ROBO1: variants seen among roughly 807,000 people sequenced by gnomAD.
ROBO1 encodes roundabout guidance receptor 1.
Under a neutral mutation model 195.9 loss-of-function variants are expected in ROBO1, and 149 were observed. That is an observed-to-expected ratio of 0.76 (90% confidence interval 0.67 to 0.87). The LOEUF is 0.87. Among genes scored for constraint, ROBO1 ranks in the 40% least tolerant of loss-of-function variants. The pLI is 0.00. For synonymous variants in ROBO1, 816 were observed against 733.2 expected, an observed-to-expected ratio of 1.11 and a Z score of -1.82; for missense variants, 1,933 against 2,068.3, an observed-to-expected ratio of 0.93 and a Z score of 1.27.
At chr3:78,904,830 A>C (rs1450546632) in intron 4 of ROBO1, among the ~76,000 whole-genome samples, 2 of 151,830 alleles carry the variant, frequency 1.3e-5, no homozygotes, top group Non-Finnish European at 2.9e-5. Context: ...AAACATAGAA[A>C]TTAAGAGAAG....
intron 2 of ROBO1, among the ~76,000 whole-genome samples, chr3:79,379,752 T>C (rs978249099): frequency 2.0e-5 from 3 of 152,208 alleles, no homozygotes; most frequent in Non-Finnish European, 2.9e-5. Flanking sequence ...CTGTATATTA[T>C]GCCAGTGGCT....
Position 78,968,427 on chromosome 3 carries a change from T to A in ROBO1, c.173-29500A>T, listed in dbSNP as rs2076694155. Among the ~76,000 whole-genome samples, 3 of 151,868 alleles carry A rather than the reference T, an allele frequency of 2.0e-5. No individual in the cohort carries two copies. In the South Asian group the frequency reaches 6.2e-4, roughly 32 times the overall value. ...TTATAGGTGTGCGCCACTCACATGG[T>A]GAAATTAGCAAGCCCAGCTACTTTC... On this transcript the variant is annotated intron_variant, in intron 3 of 30. Coordinates refer to ENST00000464233, the MANE Select transcript of ROBO1 (RefSeq NM_002941.4).
At chr3:79,279,799 G>A (rs971092301) in intron 2 of ROBO1, among the ~76,000 whole-genome samples, 18 of 150,402 alleles carry the variant, frequency 1.2e-4, no homozygotes, top group African/African-American at 4.4e-4. Context: ...GTGTGTCATA[G>A]GTGTCCAACA....
intron 21 of ROBO1, among the ~76,000 whole-genome samples, chr3:78,642,110 T>C (rs1354000479): frequency 1.3e-5 from 2 of 152,074 alleles, no homozygotes; most frequent in South Asian, 2.1e-4. Flanking sequence ...GCTTAAGATA[T>C]GAAGCAGAAA....
intron 2 of ROBO1, among the ~76,000 whole-genome samples, chr3:79,446,476 T>C (rs1000033370): frequency 1.3e-5 from 2 of 152,200 alleles, no homozygotes; most frequent in Admixed American, 1.3e-4. Flanking sequence ...TTGAAATAAA[T>C]AAGATCATGC....
intron 1 of ROBO1, among the ~76,000 whole-genome samples, chr3:79,741,380 T>G (rs187909530): frequency 6.6e-6 from 1 of 152,208 alleles, no homozygotes; most frequent in African/African-American, 2.4e-5. Context: ...TATATCTTTG[T>G]TTCAGATTTG....
intron 2 of ROBO1, among the ~76,000 whole-genome samples, chr3:79,439,882 A>G (rs1473737915): frequency 6.6e-6 from 1 of 152,138 alleles, no homozygotes; most frequent in African/African-American, 2.4e-5. Flanking sequence ...AGCCACAGCT[A>G]GGGAGGAAGA....
At chr3:79,431,906 T>C (rs1479623870) in intron 2 of ROBO1, among the ~76,000 whole-genome samples, 1 of 152,024 alleles carries the variant, frequency 6.6e-6, no homozygotes, top group Non-Finnish European at 1.5e-5. Context: ...TTTTCTAGCC[T>C]GCACTGCTTG....
At chr3:79,634,459 G>T (rs908552975) in intron 1 of ROBO1, among the ~76,000 whole-genome samples, 1 of 152,114 alleles carries the variant, frequency 6.6e-6, no homozygotes, top group Non-Finnish European at 1.5e-5. Flanking sequence ...TATTTCCCAA[G>T]ATATAGTTAT....
chr3:79,595,460 C>T (rs1258735326), intron 1 of ROBO1, among the ~76,000 whole-genome samples: 1 of 152,018 alleles, frequency 6.6e-6, no homozygotes, highest in Non-Finnish European at 1.5e-5. Context: ...CTAGGTGGCT[C>T]TCTTCTTTTC....
At chr3:79,050,997 GA>G (rs2078686071) in intron 3 of ROBO1, among the ~76,000 whole-genome samples, 1 of 152,088 alleles carries the variant, frequency 6.6e-6, no homozygotes, top group Non-Finnish European at 1.5e-5. Flanking sequence ...ACAATTAAAA[GA>G]ACTGAGAAGC....
intron 2 of ROBO1, among the ~76,000 whole-genome samples, chr3:79,518,455 A>G (rs1043189089): frequency 2.0e-5 from 3 of 152,034 alleles, no homozygotes; most frequent in Non-Finnish European, 2.9e-5. Flanking sequence ...CAGTTCTCTC[A>G]GGTAGTTTTA....
intron 16 of ROBO1, chr3:78,660,724 G>T (rs532703266): frequency 1.7e-4 from 35 of 210,590 alleles, no homozygotes; most frequent in Middle Eastern, 3.5e-3. Flanking sequence ...TAAACCAAAC[G>T]GAAAACAATT....
chr3:78,808,561 G>A (rs1320998119), intron 4 of ROBO1, among the ~76,000 whole-genome samples: 2 of 151,892 alleles, frequency 1.3e-5, no homozygotes, highest in Admixed American at 1.3e-4. Flanking sequence ...AAAAAATGAC[G>A]GATAAAAATA....
chr3:79,077,160 C>T lies in ROBO1; in HGVS notation c.172+48296G>A, dbSNP rs186579746. 2.9e-3 allele frequency among the ~76,000 whole-genome samples: 437 copies of T among 151,986 alleles called. 4 individuals are homozygous for T. The highest frequency in any genetic ancestry group is 1.0e-2 in the African/African-American group (414 of 41,538). ...AGAACTTGTTCATCTTATAACGGAACGTTTTTACTCTTTGAGCAACATCTC... is the reference window on the plus strand; with the variant it reads ...AGAACTTGTTCATCTTATAACGGAATGTTTTTACTCTTTGAGCAACATCTC... On this transcript the variant is annotated intron_variant, in intron 3 of 30. Coordinates refer to ENST00000464233, the MANE Select transcript of ROBO1 (RefSeq NM_002941.4).
chr3:78,977,172 T>C (rs1348827422), intron 3 of ROBO1, among the ~76,000 whole-genome samples: 1 of 152,140 alleles, frequency 6.6e-6, no homozygotes. Flanking sequence ...ACCACTTACC[T>C]TGTCAGTTAA....
intron 2 of ROBO1, among the ~76,000 whole-genome samples, chr3:79,466,402 C>T (rs919843762): frequency 2.6e-5 from 4 of 152,112 alleles, no homozygotes; most frequent in African/African-American, 4.8e-5. Context: ...ATAGCACCTA[C>T]GAAGCCTAGA....
chr3:79,230,743 G>C (rs765940570), intron 2 of ROBO1, among the ~76,000 whole-genome samples: 1 of 151,622 alleles, frequency 6.6e-6, no homozygotes, highest in Non-Finnish European at 1.5e-5. Context: ...CTTTATACGA[G>C]ACCAAAAAAG....
intron 2 of ROBO1, among the ~76,000 whole-genome samples, chr3:79,256,010 T>A (rs535873791): frequency 2.0e-5 from 3 of 152,312 alleles, no homozygotes; most frequent in Middle Eastern, 3.4e-3. Context: ...AAGGAAAGCA[T>A]CCTTGGCAGA....
Sources: gnomAD v4.1 joint callset for allele counts (sites outside exome capture counted in the v4.1 genomes callset) on GRCh38, gnomAD v4.1.1 for gene constraint, MANE v1.5 for transcripts, NCBI Gene and HGNC (gene_info 2026-07-23, HGNC 2026-07-21) for gene names.